Variants in LINGO2 observed in about 807,000 individuals in gnomAD.
The protein encoded by LINGO2 is leucine-rich repeat and immunoglobulin-like domain-containing nogo receptor-interacting protein 2.
A neutral mutation model predicts 30.6 loss-of-function variants in LINGO2; 14 were observed. The ratio of observed to expected loss-of-function variants is 0.46; its 90% CI spans 0.30 to 0.72. LINGO2 has a LOEUF of 0.72. Ranked by LOEUF, LINGO2 falls within the 30% of genes least tolerant of loss-of-function variation. The pLI is 0.07. For missense variants in LINGO2, 729 were observed against 751.7 expected, an observed-to-expected ratio of 0.97 and a Z score of 0.35; for synonymous variants, 317 against 288.5, an observed-to-expected ratio of 1.10 and a Z score of -1.00.
At chr9:28,605,005 A>G (rs937446606) in intron 1 of LINGO2, among the ~76,000 whole-genome samples, 1 of 151,990 alleles carries the variant, frequency 6.6e-6, no homozygotes, top group South Asian at 2.1e-4. Flanking sequence ...GGAATTAGGG[A>G]TTCAGACTGA....
At chr9:28,218,281 A>ATT (rs5897278) in intron 4 of LINGO2, among the ~76,000 whole-genome samples, 11,746 of 149,228 alleles carry the variant, frequency 0.079, 655 homozygotes, top group East Asian at 0.21. Context: ...TGAATTTCTA[A>ATT]TTTTTTTTTT....
At position 28,045,259 on chromosome 9, in the gene LINGO2, G is replaced by A. The variant is rs996605630; in HGVS notation, c.-86-32854C>T. ...CTAAAACACTGAGCCTGTAAAATAC[G>A]CTCAGTCACCCAAGGGACTATTTTT... is the stretch of plus-strand genomic sequence containing the variant. On this transcript the variant is annotated intron_variant, in intron 4 of 5. Transcript: ENST00000379992. 5.3e-5 allele frequency among the ~76,000 whole-genome samples: 8 copies of A among 151,978 alleles called. No individual in the cohort carries two copies. The East Asian group carries it at 7.7e-4, about 15-fold the overall frequency.
At chr9:28,631,543 G>C (rs1826940823) in intron 1 of LINGO2, among the ~76,000 whole-genome samples, 1 of 152,140 alleles carries the variant, frequency 6.6e-6, no homozygotes, top group Non-Finnish European at 1.5e-5. Context: ...GTTTGTCAAA[G>C]ATGGTTGTAG....
At chr9:28,464,592 C>T (rs575375259) in intron 2 of LINGO2, among the ~76,000 whole-genome samples, 1 of 152,238 alleles carries the variant, frequency 6.6e-6, no homozygotes, top group Admixed American at 6.5e-5. Flanking sequence ...GGTATAATTT[C>T]AGGGAAAATA....
intron 5 of LINGO2, among the ~76,000 whole-genome samples, chr9:27,990,069 T>C (rs1821318401): frequency 6.6e-6 from 1 of 152,072 alleles, no homozygotes; most frequent in East Asian, 1.9e-4. Flanking sequence ...TTTGAATGAA[T>C]TGTTAGTATT....
chr9:28,032,424 TTA>T (rs1455918739), intron 4 of LINGO2, among the ~76,000 whole-genome samples: 119 of 152,256 alleles, frequency 7.8e-4, no homozygotes, highest in Middle Eastern at 3.4e-3. Context: ...TTTGTCAACA[TTA>T]CATATGATTC....
At chr9:28,362,344 G>C (rs967844136) in intron 3 of LINGO2, among the ~76,000 whole-genome samples, 4 of 151,966 alleles carry the variant, frequency 2.6e-5, no homozygotes, top group African/African-American at 9.7e-5. Flanking sequence ...GGATTTGAGA[G>C]AACCCAGAAG....
At chr9:28,264,426 T>C (rs1007547849) in intron 4 of LINGO2, among the ~76,000 whole-genome samples, 4 of 152,024 alleles carry the variant, frequency 2.6e-5, no homozygotes, top group African/African-American at 7.2e-5. Context: ...AACGCATTAT[T>C]TTTTAACTTA....
chr9:28,801,978 T>G, the LINGO2 span, among the ~76,000 whole-genome samples: 2 of 151,958 alleles, frequency 1.3e-5, no homozygotes, highest in Non-Finnish European at 1.5e-5. Context: ...AATGCTCACA[T>G]ATAGTTTTCA....
At chr9:28,684,094 G>A in the LINGO2 span, among the ~76,000 whole-genome samples, 1 of 139,638 alleles carries the variant, frequency 7.2e-6, no homozygotes, top group Non-Finnish European at 1.5e-5. Context: ...AACACATTTT[G>A]TACCCAGTAA....
chr9:28,986,864 C>A, the LINGO2 span, among the ~76,000 whole-genome samples: 4 of 151,844 alleles, frequency 2.6e-5, no homozygotes, highest in African/African-American at 9.7e-5. Context: ...AAATAGTTCC[C>A]AATCCTAAAT....
intron 3 of LINGO2, among the ~76,000 whole-genome samples, chr9:28,352,243 T>TAG (rs1819931430): frequency 6.6e-6 from 1 of 151,714 alleles, no homozygotes; most frequent in African/African-American, 2.4e-5. Flanking sequence ...ATTGTATATC[T>TAG]AGAAAACCCC....
intron 4 of LINGO2, among the ~76,000 whole-genome samples, chr9:28,170,995 T>C (rs1416566402): frequency 6.6e-6 from 1 of 152,230 alleles, no homozygotes; most frequent in Non-Finnish European, 1.5e-5. Flanking sequence ...CTATCACAGA[T>C]GGTTATGGGC....
the LINGO2 span, among the ~76,000 whole-genome samples, chr9:28,790,325 C>CTTTCTTTT: frequency 4.7e-5 from 5 of 106,300 alleles, no homozygotes; most frequent in Non-Finnish European, 7.3e-5. Context: ...TCTTTTCTTT[C>CTTTCTTTT]TTTTTTTTTT....
intron 1 of LINGO2, among the ~76,000 whole-genome samples, chr9:28,538,512 G>A (rs1022135709): frequency 6.6e-6 from 1 of 152,008 alleles, no homozygotes; most frequent in African/African-American, 2.4e-5. Context: ...GAATAAAGGA[G>A]TAAAAAAGAA....
chr9:29,036,620 G>A, the LINGO2 span, among the ~76,000 whole-genome samples: 2 of 151,934 alleles, frequency 1.3e-5, no homozygotes, highest in African/African-American at 2.4e-5. Context: ...GGGAGAGATC[G>A]GAAATCTAGT....
At chr9:28,896,135 G>C in the LINGO2 span, among the ~76,000 whole-genome samples, 2 of 152,110 alleles carry the variant, frequency 1.3e-5, no homozygotes, top group Non-Finnish European at 2.9e-5. Flanking sequence ...TAGAGGACAG[G>C]CTGAAAAGTG....
At chr9:28,933,776 C>A in the LINGO2 span, among the ~76,000 whole-genome samples, 1 of 152,188 alleles carries the variant, frequency 6.6e-6, no homozygotes, top group Non-Finnish European at 1.5e-5. Flanking sequence ...AATTGCTTGT[C>A]CAGCTTTGGA....
At chr9:28,392,439 A>G (rs1201184288) in intron 2 of LINGO2, among the ~76,000 whole-genome samples, 1 of 152,124 alleles carries the variant, frequency 6.6e-6, no homozygotes, top group Non-Finnish European at 1.5e-5. Flanking sequence ...CTGAGCTGTG[A>G]TTTACACATT....
Sources: gnomAD v4.1 joint callset for allele counts (sites outside exome capture counted in the v4.1 genomes callset) on GRCh38, gnomAD v4.1.1 for gene constraint, MANE v1.5 for transcripts, NCBI Gene and HGNC (gene_info 2026-07-23, HGNC 2026-07-21) for gene names.